The following FOXK1 variants were observed in gnomAD, a reference collection of about 807,000 sequenced individuals.
FOXK1 encodes forkhead box K1.
A neutral mutation model predicts 51.9 loss-of-function variants in FOXK1; 19 were observed. That is an observed-to-expected ratio of 0.37 (90% CI 0.26 to 0.54). The LOEUF is 0.54. Ranked by LOEUF, FOXK1 falls within the 20% of genes least tolerant of loss-of-function variation. The probability of loss-of-function intolerance (pLI) is 0.87; values close to 1 mark genes in which losing one functional copy is unlikely to be tolerated. For missense variants in FOXK1, 870 were observed against 1,032.7 expected (o/e 0.84, Z 2.16); for synonymous variants, 537 against 482.6 (o/e 1.11, Z -1.48).
intron 2 of FOXK1, among the ~76,000 whole-genome samples, chr7:4,746,535 C>T (rs1388029096): frequency 1.3e-5 from 2 of 151,732 alleles, no homozygotes; most frequent in Non-Finnish European, 2.9e-5. Context: ...AATTTTTTTG[C>T]TAATTAGCCA....
intron 5 of FOXK1, chr7:4,757,993 A>T (rs1780878028): frequency 6.6e-6 from 1 of 152,238 alleles, no homozygotes. Flanking sequence ...CTGTTGTATT[A>T]AAAATAAGAT....
intron 1 of FOXK1, among the ~76,000 whole-genome samples, chr7:4,684,252 G>C (rs1342482760): frequency 1.3e-5 from 2 of 152,174 alleles, no homozygotes; most frequent in South Asian, 4.1e-4. Context: ...TCTTCAATGT[G>C]GTTCTTGTTC....
rs142837581 is a variant in FOXK1, at chr7:4,717,778, A to G, written c.561-23060A>G. On this transcript the variant is annotated intron_variant, in intron 1 of 8. Transcript: ENST00000328914. ...TGCCTCTAAATGCTGTTTCTTCTGA[A>G]GCTTTGCTGCACCGTGTATGTTTAG... 2.9e-3 allele frequency among the ~76,000 whole-genome samples: 446 copies of G among 152,208 alleles called. 4 individuals are homozygous for G. Among genetic ancestry groups the G allele is most frequent in the Middle Eastern group, 0.014 (4 of 294 alleles).
rs1453739652 is a variant in FOXK1, at chr7:4,764,250, A to G, written c.*1786A>G. ...GAACCTCTGTGGGCCCCCTCCTTCC[A>G]CCTAGATAGAGAAAACCCCTTGTTC... On this transcript the variant is annotated 3_prime_UTR_variant, in exon 9 of 9. Coordinates refer to ENST00000328914, the MANE Select transcript of FOXK1 (RefSeq NM_001037165.2). 1 of 154,150 alleles carries G rather than the reference A, an allele frequency of 6.5e-6. No homozygotes were observed. The highest frequency in any genetic ancestry group is 1.9e-4 in the East Asian group (1 of 5,178). The allele number at this position is 154,150 out of a possible 1,614,324, so 9.5% of individuals were successfully genotyped here.
At position 4,711,703 on chromosome 7, in the gene FOXK1, C is replaced by G. The variant is rs1318415603; in HGVS notation, c.560+28835C>G. Among the ~76,000 whole-genome samples, 2 of 152,246 alleles carry G rather than the reference C, an allele frequency of 1.3e-5. No individual in the cohort carries two copies. The highest frequency in any genetic ancestry group is 2.4e-5 in the African/African-American group (1 of 41,466). On this transcript the variant is annotated intron_variant, in intron 1 of 8. Transcript: ENST00000328914. This position sits in a 1 kb window ranked among gnomAD's most constrained non-coding sequence, Gnocchi z 6.3. The stretch of plus-strand genomic sequence containing the variant: ...CCATAAGGGGTGGGCAGTGGTGCTG[C>G]CGTGTCTTGTCAGGAGGCCAGCTCT...
rs375058321 is a variant in FOXK1 at position 4,705,343 on chromosome 7, A to T, written c.560+22475A>T. ...GCTGGGACTACAGGCGCATGCCATCACCCTGGCCAACTTTTTTTTGTAAAG... is the reference window on the plus strand; with the variant it reads ...GCTGGGACTACAGGCGCATGCCATCTCCCTGGCCAACTTTTTTTTGTAAAG... On this transcript the variant is annotated intron_variant, in intron 1 of 8. Coordinates refer to ENST00000328914, the MANE Select transcript of FOXK1 (RefSeq NM_001037165.2). Among the ~76,000 whole-genome samples the T allele has an allele frequency of 2.6e-4, 39 of 150,352 alleles. No homozygotes were observed. The East Asian group carries it at 7.0e-3, about 27-fold the overall frequency.
chr7:4,693,724 G>T (rs954579345), intron 1 of FOXK1, among the ~76,000 whole-genome samples: 17 of 152,232 alleles, frequency 1.1e-4, no homozygotes, highest in Middle Eastern at 3.5e-3. Flanking sequence ...GTCAGTAACA[G>T]AATTTGTCTT....
chr7:4,710,868 C>T lies in FOXK1; in HGVS notation c.560+28000C>T, dbSNP rs372847400. 2.0e-5 allele frequency among the ~76,000 whole-genome samples: 3 copies of T among 152,160 alleles called. No individual in the cohort carries two copies. The East Asian group carries it at 5.8e-4, about 29-fold the overall frequency. ...CAGCCATTCCACGTCGTGGATTTTT[C>T]CCATTTGTTTTCAGCTTGTTGTGAC... On this transcript the variant is annotated intron_variant, in intron 1 of 8. Coordinates refer to ENST00000328914, the MANE Select transcript of FOXK1 (RefSeq NM_001037165.2).
rs1165193492 is a variant in FOXK1, at chr7:4,753,076, T to C, written c.747-1383T>C. On this transcript the variant is annotated intron_variant, in intron 2 of 8. Transcript: ENST00000328914. The surrounding 1 kb of genome is among the most constrained non-coding windows in gnomAD (Gnocchi z 4.9). ...GGAACTTACCTATCTCTGCCATATT[T>C]GGGGAGTCCGTTGTAAGAGAGAATG... Among the ~76,000 whole-genome samples the C allele has an allele frequency of 6.6e-6, 1 of 152,210 alleles. No homozygotes were observed. The highest frequency in any genetic ancestry group is 1.9e-4 in the East Asian group (1 of 5,196).
chr7:4,732,094 C>T (rs1372726033), intron 1 of FOXK1, among the ~76,000 whole-genome samples: 1 of 152,234 alleles, frequency 6.6e-6, no homozygotes, highest in Non-Finnish European at 1.5e-5. Context: ...ACTTGGGCTT[C>T]TGCTACATTT....
At chr7:4,687,259 TATCCAACTG>T (rs1244986475) in intron 1 of FOXK1, among the ~76,000 whole-genome samples, 23 of 151,826 alleles carry the variant, frequency 1.5e-4, no homozygotes, top group Non-Finnish European at 2.9e-5. Flanking sequence ...ATAGTTAATG[TATCCAACTG>T]AATTCTTGGT....
chr7:4,744,999 C>T lies in FOXK1; in HGVS notation c.746+3976C>T, dbSNP rs112100978. Among the ~76,000 whole-genome samples, 880 of 152,366 alleles carry T rather than the reference C, an allele frequency of 5.8e-3. 10 individuals carry two copies. The highest frequency in any genetic ancestry group is 0.02 in the African/African-American group (845 of 41,582). On this transcript the variant is annotated intron_variant, in intron 2 of 8. Coordinates refer to ENST00000328914, the MANE Select transcript of FOXK1 (RefSeq NM_001037165.2). ...AAACCTCAGAGGCCCTTGAGGTTTT[C>T]CCTGCCAAGATACTTTTCAGTTTGA...
rs1431204993 is a variant in FOXK1 at position 4,715,912 on chromosome 7, C to G, written c.561-24926C>G. Among the ~76,000 whole-genome samples, 4 of 152,232 alleles carry G rather than the reference C, an allele frequency of 2.6e-5. No individual in the cohort carries two copies. Among genetic ancestry groups the G allele is most frequent in the Non-Finnish European group, 5.9e-5 (4 of 68,042 alleles). On this transcript the variant is annotated intron_variant, in intron 1 of 8. Coordinates refer to ENST00000328914, the MANE Select transcript of FOXK1 (RefSeq NM_001037165.2). This position sits in a 1 kb window ranked among gnomAD's most constrained non-coding sequence, Gnocchi z 4.5. Reference sequence around the variant, plus strand: ...GAACTTCAACATTGGCCACCAATATCTGCTGTCTGTGCTTAAAGGATCAAA... The same window carrying G: ...GAACTTCAACATTGGCCACCAATATGTGCTGTCTGTGCTTAAAGGATCAAA...
In FOXK1 at chr7:4,730,669, C is replaced by A. The variant is rs1452659572; in HGVS notation, c.561-10169C>A. 2.0e-5 allele frequency among the ~76,000 whole-genome samples: 3 copies of A among 152,202 alleles called. No individual in the cohort carries two copies. Among genetic ancestry groups the A allele is most frequent in the Admixed American group, 6.5e-5 (1 of 15,276 alleles). Reference sequence around the variant, plus strand: ...GTCTGTAACCTGTGTCCCTTCACTGCCATGCACTGCTCTTAGCTGCTGGCG... The same window carrying A: ...GTCTGTAACCTGTGTCCCTTCACTGACATGCACTGCTCTTAGCTGCTGGCG... On this transcript the variant is annotated intron_variant, in intron 1 of 8. Transcript: ENST00000328914. This position sits in a 1 kb window ranked among gnomAD's most constrained non-coding sequence, Gnocchi z 4.7.
In FOXK1 at chr7:4,765,649, A is replaced by C. The variant is rs980062985; in HGVS notation, c.*3185A>C. 4.6e-5 allele frequency: 7 copies of C among 152,316 alleles called. No homozygotes were observed. Among genetic ancestry groups the C allele is most frequent in the Non-Finnish European group, 8.8e-5 (6 of 68,112 alleles). 9.4% of individuals were successfully genotyped at this position (152,316 alleles called of 1,614,324 possible). ...ACAGCGGATGAGAACAGCAGGTCAC[A>C]GTAGTGGCTTTGGGAAGGGCCCCTC... On this transcript the variant is annotated 3_prime_UTR_variant, in exon 9 of 9. Transcript: ENST00000328914.
chr7:4,696,889 G>A (rs762882459), intron 1 of FOXK1, among the ~76,000 whole-genome samples: 3 of 152,128 alleles, frequency 2.0e-5, no homozygotes, highest in African/African-American at 4.8e-5. Flanking sequence ...CCAACATGGT[G>A]AAACCCCATC....
chr7:4,726,962 A>G (rs949696003), intron 1 of FOXK1, among the ~76,000 whole-genome samples: 4 of 150,760 alleles, frequency 2.7e-5, no homozygotes, highest in Admixed American at 2.6e-4. Flanking sequence ...TTTTTTTTTT[A>G]CAAACGGGGT....
chr7:4,759,984 T>A, intron 7 of FOXK1: 1 of 228,468 alleles, frequency 4.4e-6, no homozygotes, highest in Non-Finnish European at 8.5e-6. Flanking sequence ...TGAGCTAGAC[T>A]GCGCCACTGC....
At chr7:4,696,788 C>T (rs1779957233) in intron 1 of FOXK1, among the ~76,000 whole-genome samples, 1 of 152,172 alleles carries the variant, frequency 6.6e-6, no homozygotes, top group African/African-American at 2.4e-5. Context: ...CTCCTTCGGG[C>T]CAGGTGCTGT....
Sources: gnomAD v4.1 joint callset for allele counts (sites outside exome capture counted in the v4.1 genomes callset) on GRCh38, gnomAD v4.1.1 for gene constraint, Gnocchi (gnomAD v3.1) non-coding constraint, MANE v1.5 for transcripts, NCBI Gene and HGNC (gene_info 2026-07-23, HGNC 2026-07-21) for gene names.